Variants in BRAP observed in about 807,000 individuals in gnomAD.
The protein encoded by BRAP is BRCA1-associated protein.
In BRAP, 42 loss-of-function variants were observed where a neutral mutation model predicts 73.4. The ratio of observed to expected loss-of-function variants is 0.57; its 90% CI spans 0.45 to 0.74. The LOEUF is 0.74. BRAP is among the 30% of genes least tolerant of loss of function. BRAP has a pLI of 0.00. For synonymous variants in BRAP, 255 were observed against 267.4 expected, an observed-to-expected ratio of 0.95 and a Z score of 0.45; for missense variants, 593 against 751.4, an observed-to-expected ratio of 0.79 and a Z score of 2.46.
intron 6 of BRAP, among the ~76,000 whole-genome samples, chr12:111,661,136 C>T (rs574195244): frequency 1.5e-4 from 23 of 151,892 alleles, no homozygotes; most frequent in African/African-American, 5.6e-4. Flanking sequence ...TGCACCACCA[C>T]ACCCAGCTAA....
intron 11 of BRAP, 90 bp from the exon 12 acceptor site, chr12:111,644,652 C>G: frequency 6.5e-7 from 1 of 1,527,812 alleles, no homozygotes; most frequent in Non-Finnish European, 8.8e-7. Flanking sequence ...GAAACCATGA[C>G]CTCAGAATCC....
In BRAP at chr12:111,672,644, G is replaced by A. The variant is rs1183960589; in HGVS notation, c.747+17C>T. Reference sequence around the variant, plus strand: ...TCTGATATATTTTAATTAAATATAGGAACAATTCACACTTACATCTTCAGA... The same window carrying A: ...TCTGATATATTTTAATTAAATATAGAAACAATTCACACTTACATCTTCAGA... On this transcript the variant is annotated intron_variant, in intron 5 of 11. Transcript: ENST00000419234. 1.3e-6 allele frequency: 2 copies of A among 1,591,406 alleles called. No homozygotes were observed. Among genetic ancestry groups the A allele is most frequent in the Admixed American group, 1.7e-5 (1 of 58,958 alleles).
At chr12:111,671,560 C>T (rs1592989777) in intron 5 of BRAP, among the ~76,000 whole-genome samples, 1 of 150,294 alleles carries the variant, frequency 6.7e-6, no homozygotes, top group South Asian at 2.1e-4. Flanking sequence ...CAAAACAAAA[C>T]AAAACGGAAT....
chr12:111,644,286 G>A lies in BRAP; in HGVS notation c.1692C>T (p.Ile564=), dbSNP rs550796877. The part of the protein sequence containing the change: ...RQEIQEGQIN[I]AMASASSPAS... ...CAGGGCTCGAGGCCGAGGCCATGGC[G>A]ATGTTGATCTGTCCCTCCTGGATTT... Residue 564 remains isoleucine, a synonymous_variant, in exon 12 of 12, where the codon ATC becomes ATT. Transcript: ENST00000419234. The A allele has an allele frequency of 2.2e-5, 35 of 1,614,136 alleles. No homozygotes were observed. The highest frequency in any genetic ancestry group is 2.7e-5 in the African/African-American group (2 of 75,042).
chr12:111,661,984 G>C (rs1372233361), intron 6 of BRAP, among the ~76,000 whole-genome samples: 4 of 152,126 alleles, frequency 2.6e-5, no homozygotes, highest in African/African-American at 9.7e-5. Context: ...AAACACAAAG[G>C]TGTTAATGTA....
chr12:111,683,390 T>C, intron 1 of BRAP, 83 bp from the exon 2 acceptor site: 3 of 1,458,472 alleles, frequency 2.1e-6, no homozygotes, highest in Non-Finnish European at 2.8e-6. Context: ...AGGTTTTCCT[T>C]TTCTTTCTCC....
At chr12:111,648,229 C>T (rs936980422) in intron 11 of BRAP, among the ~76,000 whole-genome samples, 1 of 148,234 alleles carries the variant, frequency 6.7e-6, no homozygotes, top group African/African-American at 2.5e-5. Flanking sequence ...ATCCGGGAGG[C>T]GGAGGTTGCA....
At chr12:111,671,681 CTTT>C (rs980479092) in intron 5 of BRAP, among the ~76,000 whole-genome samples, 4 of 113,086 alleles carry the variant, frequency 3.5e-5, no homozygotes. Context: ...AACAGAGAGA[CTTT>C]TTTTTTTTTT....
Position 111,655,659 on chromosome 12 carries a change from G to C in BRAP, c.1222-4C>G. On this transcript the variant is annotated splice_polypyrimidine_tract_variant and splice_region_variant and intron_variant, in intron 9 of 11. Transcript: ENST00000419234. ...GGCTTGTTAGTAAATATGAATACTAGAAACATAGAGAATAAAGACCAAAAT... is the reference window on the plus strand; with the variant it reads ...GGCTTGTTAGTAAATATGAATACTACAAACATAGAGAATAAAGACCAAAAT... 2 of 1,599,976 alleles carry C rather than the reference G, an allele frequency of 1.3e-6. No homozygotes were observed. Among genetic ancestry groups the C allele is most frequent in the South Asian group, 2.2e-5 (2 of 90,774 alleles).
chr12:111,646,258 CCTGT>C (rs1327445949), intron 11 of BRAP, among the ~76,000 whole-genome samples: 20 of 152,220 alleles, frequency 1.3e-4, no homozygotes, highest in African/African-American at 3.9e-4. Flanking sequence ...TGCACTCCAG[CCTGT>C]CTGACAGAGT....
At chr12:111,670,131 G>C (rs1470407668) in intron 5 of BRAP, 18 of 619,376 alleles carry the variant, frequency 2.9e-5, no homozygotes, top group Middle Eastern at 4.9e-4. Context: ...GATGGATATT[G>C]TTGATGCTTT....
At chr12:111,681,175 C>T (rs983280899) in intron 3 of BRAP, among the ~76,000 whole-genome samples, 1 of 152,044 alleles carries the variant, frequency 6.6e-6, no homozygotes, top group Admixed American at 6.5e-5. Flanking sequence ...TCAAGACCAG[C>T]CTGGCCAACA....
intron 6 of BRAP, among the ~76,000 whole-genome samples, chr12:111,663,456 A>T (rs571523968): frequency 5.5e-4 from 83 of 152,224 alleles, no homozygotes; most frequent in African/African-American, 1.7e-3. Context: ...CCATCTCAAA[A>T]AATAATAATA....
At chr12:111,656,134 T>C (rs1886522531) in intron 9 of BRAP, among the ~76,000 whole-genome samples, 1 of 152,204 alleles carries the variant, frequency 6.6e-6, no homozygotes, top group East Asian at 1.9e-4. Context: ...GTGAACTCTT[T>C]GAAAGCAAGG....
chr12:111,684,605 A>G (rs969229729), intron 1 of BRAP, among the ~76,000 whole-genome samples: 2 of 152,196 alleles, frequency 1.3e-5, no homozygotes, highest in Non-Finnish European at 2.9e-5. Context: ...GGTGCCATTA[A>G]AACAGAGACG....
intron 4 of BRAP, 23 bp downstream of exon 4, chr12:111,679,128 T>G (rs745360548): frequency 1.4e-6 from 2 of 1,438,402 alleles, no homozygotes; most frequent in Non-Finnish European, 1.9e-6. Context: ...AAAGAGATTT[T>G]TAATAAATTT....
chr12:111,672,122 TTGAAC>T (rs2135921830), intron 5 of BRAP, among the ~76,000 whole-genome samples: 1 of 152,218 alleles, frequency 6.6e-6, no homozygotes, highest in Non-Finnish European at 1.5e-5. Flanking sequence ...TAGCAGATGC[TTGAAC>T]TGGAGAGACA....
chr12:111,670,520 G>A (rs1043501226), intron 5 of BRAP, among the ~76,000 whole-genome samples: 2 of 152,200 alleles, frequency 1.3e-5, no homozygotes, highest in Non-Finnish European at 2.9e-5. Flanking sequence ...TTAGATGGGA[G>A]TCTTGTTCTG....
Position 111,659,405 on chromosome 12 carries a change from G to T in BRAP, c.973-60C>A, listed in dbSNP as rs189609275. The stretch of plus-strand genomic sequence containing the variant: ...AAAAATAAATGATCTGGCTGGGCGC[G>T]ATGGCTCGGAGGCCGAGGCAGATGG... On this transcript the variant is annotated intron_variant, in intron 7 of 11. Coordinates refer to ENST00000419234, the MANE Select transcript of BRAP (RefSeq NM_006768.5). 4,118 of 1,522,610 alleles carry T rather than the reference G, an allele frequency of 2.7e-3. 34 individuals are homozygous for T. Among genetic ancestry groups the T allele is most frequent in the South Asian group, 0.019 (1,594 of 82,980 alleles). 94.3% of individuals were successfully genotyped at this position (1,522,610 alleles called of 1,614,324 possible).
Sources: allele counts gnomAD v4.1 joint callset (sites outside exome capture counted in the v4.1 genomes callset), GRCh38; gene constraint gnomAD v4.1.1; transcripts MANE v1.5; gene names NCBI Gene and HGNC (gene_info 2026-07-23, HGNC 2026-07-21).